Variants in ALK observed in about 807,000 individuals in gnomAD.
The protein encoded by ALK is ALK receptor tyrosine kinase.
In ALK, 74 loss-of-function variants were observed where a neutral mutation model predicts 163.1. That is an observed-to-expected ratio of 0.45 (90% CI 0.38 to 0.55). ALK has a LOEUF of 0.55. Among genes scored for constraint, ALK ranks in the 20% least tolerant of loss-of-function variants. ALK has a pLI of 0.00. For synonymous variants in ALK, 960 were observed against 843.2 expected, an observed-to-expected ratio of 1.14 and a Z score of -2.40; for missense variants, 2,063 against 2,105.3, an observed-to-expected ratio of 0.98 and a Z score of 0.39.
chr2:29,282,155 G>A (rs1411648064), intron 9 of ALK, among the ~76,000 whole-genome samples: 1 of 152,110 alleles, frequency 6.6e-6, no homozygotes, highest in Non-Finnish European at 1.5e-5. Flanking sequence ...CCTTTTTGCT[G>A]CTGGTGCTTG....
At chr2:29,225,204 C>CTGAAGGAG (rs1663925539) in intron 19 of ALK, among the ~76,000 whole-genome samples, 1 of 152,050 alleles carries the variant, frequency 6.6e-6, no homozygotes, top group Non-Finnish European at 1.5e-5. Context: ...AGCTCCCCAC[C>CTGAAGGAG]CCCTGATCAG....
chr2:29,260,800 C>T (rs527530881), intron 11 of ALK, among the ~76,000 whole-genome samples: 3 of 152,094 alleles, frequency 2.0e-5, no homozygotes, highest in Admixed American at 6.5e-5. Flanking sequence ...TGCCACTGCA[C>T]TCCAGCTTGG....
At chr2:29,435,902 T>C (rs1000274359) in intron 4 of ALK, among the ~76,000 whole-genome samples, 5 of 152,138 alleles carry the variant, frequency 3.3e-5, no homozygotes, top group Non-Finnish European at 5.9e-5. Flanking sequence ...AAGATTTGGT[T>C]TGAGTATAAC....
intron 2 of ALK, among the ~76,000 whole-genome samples, chr2:29,700,881 C>A (rs1678713047): frequency 6.6e-6 from 1 of 152,156 alleles, no homozygotes; most frequent in Non-Finnish European, 1.5e-5. Flanking sequence ...AATGACAAAC[C>A]ACCTTGAACA....
chr2:29,369,282 TTG>T (rs149015146), intron 5 of ALK, among the ~76,000 whole-genome samples: 1 of 151,200 alleles, frequency 6.6e-6, no homozygotes, highest in African/African-American at 2.4e-5. Context: ...TCCTTGCTGG[TTG>T]TGTGTGTGTG....
rs1669455526 is a variant in ALK at position 29,211,126 on chromosome 2, A to G, written c.3744-1248T>C. On this transcript the variant is annotated intron_variant, in intron 24 of 28. Coordinates refer to ENST00000389048, the MANE Select transcript of ALK (RefSeq NM_004304.5). ...GGCTACTAGGATACTATTTAAAAAA[A>G]AGGATCTTGATTGGGGATCATGACT... is the stretch of plus-strand genomic sequence containing the variant. Among the ~76,000 whole-genome samples, 3 of 152,220 alleles carry G rather than the reference A, an allele frequency of 2.0e-5. No individual in the cohort carries two copies. In the South Asian group the frequency reaches 6.2e-4, roughly 32 times the overall value.
At chr2:29,389,590 G>A (rs376750769) in intron 4 of ALK, among the ~76,000 whole-genome samples, 96 of 152,208 alleles carry the variant, frequency 6.3e-4, no homozygotes, top group Non-Finnish European at 1.2e-3. Context: ...CTTATACATC[G>A]TAGACACTCA....
In ALK at chr2:29,663,995, T is replaced by C. The variant is rs17008438; in HGVS notation, c.952+30855A>G. 6.1e-3 allele frequency among the ~76,000 whole-genome samples: 927 copies of C among 152,296 alleles called. 14 individuals carry two copies. Among genetic ancestry groups the C allele is most frequent in the East Asian group, 0.045 (233 of 5,168 alleles). Reference sequence around the variant, plus strand: ...AGAGGGCAAAAAGAGAGGAAAGTACTACCTCTAGGAACCCCCTTGGTTTCT... The same window carrying C: ...AGAGGGCAAAAAGAGAGGAAAGTACCACCTCTAGGAACCCCCTTGGTTTCT... On this transcript the variant is annotated intron_variant, in intron 3 of 28. Transcript: ENST00000389048.
At chr2:29,516,991 A>C (rs1329304084) in intron 4 of ALK, among the ~76,000 whole-genome samples, 2 of 152,228 alleles carry the variant, frequency 1.3e-5, no homozygotes, top group Non-Finnish European at 2.9e-5. Flanking sequence ...CATGACACTA[A>C]TTTTGAGTTT....
chr2:29,883,951 A>G (rs912912800), intron 1 of ALK, among the ~76,000 whole-genome samples: 2 of 152,230 alleles, frequency 1.3e-5, no homozygotes, highest in Admixed American at 6.5e-5. Flanking sequence ...TAAAACATAC[A>G]CAAATCTATA....
At position 29,872,776 on chromosome 2, in the gene ALK, G is replaced by A. The variant is rs577822360; in HGVS notation, c.667+47217C>T. On this transcript the variant is annotated intron_variant, in intron 1 of 28. Coordinates refer to ENST00000389048, the MANE Select transcript of ALK (RefSeq NM_004304.5). ...TCAGTGACCCTCTATAATCACTAAG[G>A]TCTCTTATAACTATGTTTCTTTAAA... Among the ~76,000 whole-genome samples the A allele has an allele frequency of 2.0e-5, 3 of 152,164 alleles. No homozygotes were observed. The South Asian group carries it at 6.2e-4, about 32-fold the overall frequency.
intron 5 of ALK, among the ~76,000 whole-genome samples, chr2:29,380,736 C>T (rs746410696): frequency 6.6e-6 from 1 of 152,132 alleles, no homozygotes; most frequent in Non-Finnish European, 1.5e-5. Context: ...GCCTGGCCCA[C>T]TGCACACTTT....
chr2:29,356,956 C>G (rs1668264396), intron 5 of ALK, among the ~76,000 whole-genome samples: 1 of 152,250 alleles, frequency 6.6e-6, no homozygotes, highest in South Asian at 2.1e-4. Flanking sequence ...CTTCAGAGAC[C>G]CCCAAGTCCC....
chr2:29,502,386 G>T (rs1388858733), intron 4 of ALK, among the ~76,000 whole-genome samples: 1 of 152,132 alleles, frequency 6.6e-6, no homozygotes, highest in Non-Finnish European at 1.5e-5. Context: ...GATCAGTTTT[G>T]TAAATGCATA....
At chr2:29,421,698 C>T (rs11675825) in intron 4 of ALK, among the ~76,000 whole-genome samples, 14,608 of 151,520 alleles carry the variant, frequency 0.096, 950 homozygotes, top group Non-Finnish European at 0.13. Flanking sequence ...AGCCTGTCTG[C>T]GTCCTGTATC....
chr2:29,860,316 A>G (rs533177350), intron 1 of ALK, among the ~76,000 whole-genome samples: 4 of 150,918 alleles, frequency 2.7e-5, no homozygotes, highest in Non-Finnish European at 3.0e-5. Context: ...CTTGTTAGGA[A>G]GTCTCTTGCT....
At chr2:29,497,538 T>C (rs1031044039) in intron 4 of ALK, among the ~76,000 whole-genome samples, 3 of 152,112 alleles carry the variant, frequency 2.0e-5, no homozygotes, top group Non-Finnish European at 2.9e-5. Context: ...TCTTTCCTCC[T>C]CTCCTCTCTA....
rs150344432 is a variant in ALK, at chr2:29,227,009, C to T, written c.2980G>A (p.Glu994Lys). The T allele has an allele frequency of 1.1e-5, 18 of 1,614,040 alleles. No homozygotes were observed. Among genetic ancestry groups the T allele is most frequent in the South Asian group, 4.4e-5 (4 of 91,090 alleles). The stretch of plus-strand genomic sequence containing the variant: ...TGGCTTTCAGGGTCCATGTGACATT[C>T]GTCTACCTCACAGTGACTGCAGTTT... Reference protein sequence around the residue: ...YLNCSHCEVDECHMDPESHKV... With the variant: ...YLNCSHCEVDKCHMDPESHKV... Residue 994 changes from glutamate (E) to lysine (K), a missense_variant, in exon 18 of 29, where the codon GAA becomes AAA. Coordinates refer to ENST00000389048, the MANE Select transcript of ALK (RefSeq NM_004304.5). The surrounding 1 kb of genome is among the most constrained non-coding windows in gnomAD (Gnocchi z 4.4).
At chr2:29,688,524 T>C (rs1678302211) in intron 3 of ALK, among the ~76,000 whole-genome samples, 1 of 152,170 alleles carries the variant, frequency 6.6e-6, no homozygotes, top group Non-Finnish European at 1.5e-5. Context: ...TACAACAGAA[T>C]AAAGTTTAGA....
Sources: gnomAD v4.1 joint callset for allele counts (sites outside exome capture counted in the v4.1 genomes callset) on GRCh38, gnomAD v4.1.1 for gene constraint, Gnocchi (gnomAD v3.1) non-coding constraint, MANE v1.5 for transcripts, NCBI Gene and HGNC (gene_info 2026-07-23, HGNC 2026-07-21) for gene names.